The following B3GALT1 variants were observed in gnomAD, a reference collection of about 807,000 sequenced individuals.
B3GALT1 encodes beta-1,3-galactosyltransferase 1.
Under a neutral mutation model 23.2 loss-of-function variants are expected in B3GALT1, and 10 were observed. That is an observed-to-expected ratio of 0.43 (90% confidence interval 0.27 to 0.73). The LOEUF is 0.73. Among genes scored for constraint, B3GALT1 ranks in the 30% least tolerant of loss-of-function variants. The pLI is 0.21. For missense variants in B3GALT1, 299 were observed against 405.4 expected (o/e 0.74, Z 2.25); for synonymous variants, 156 against 141.5 (o/e 1.10, Z -0.73).
intron 3 of B3GALT1, among the ~76,000 whole-genome samples, chr2:167,733,087 C>G (rs903305877): frequency 1.1e-4 from 17 of 152,128 alleles, no homozygotes; most frequent in Non-Finnish European, 5.9e-5. Flanking sequence ...ATCTGTGACC[C>G]CTGTGAGGGC....
chr2:167,870,780 T>G lies in B3GALT1; in HGVS notation c.*760T>G, dbSNP rs1046664582. On this transcript the variant is annotated 3_prime_UTR_variant, in exon 5 of 5. Coordinates refer to ENST00000392690, the MANE Select transcript of B3GALT1 (RefSeq NM_020981.4). ...ATTAAATGGTGCCTCCAAGGAAACTTTGCCAAATATAATCTCACCTGCTTC... is the reference window on the plus strand; with the variant it reads ...ATTAAATGGTGCCTCCAAGGAAACTGTGCCAAATATAATCTCACCTGCTTC... The G allele has an allele frequency of 5.4e-5, 9 of 166,994 alleles. No homozygotes were observed. The highest frequency in any genetic ancestry group is 1.9e-4 in the African/African-American group (8 of 41,426). 10.3% of individuals were successfully genotyped at this position (166,994 alleles called of 1,614,324 possible). A position where few individuals can be genotyped will look rare whatever the true frequency, so the allele number is the denominator to read the frequency against.
intron 3 of B3GALT1, among the ~76,000 whole-genome samples, chr2:167,806,632 A>T (rs1688761103): frequency 6.6e-6 from 1 of 152,140 alleles, no homozygotes; most frequent in Non-Finnish European, 1.5e-5. Flanking sequence ...TGATTTGCAT[A>T]TGTTGAACCA....
chr2:167,434,523 T>TAAA (rs35876291), intron 1 of B3GALT1, among the ~76,000 whole-genome samples: 2 of 134,222 alleles, frequency 1.5e-5, no homozygotes, highest in Non-Finnish European at 1.6e-5. Flanking sequence ...AAGTACTCTG[T>TAAA]AAAAAAAAAA....
chr2:167,856,277 A>G lies in B3GALT1; in HGVS notation c.-229-12534A>G, dbSNP rs190374309. Among the ~76,000 whole-genome samples, 8 of 152,308 alleles carry G rather than the reference A, an allele frequency of 5.3e-5. No homozygotes were observed. The East Asian group carries it at 1.5e-3, about 29-fold the overall frequency. Reference sequence around the variant, plus strand: ...ATGAAAAACAAGAGCAAAAAGCAGAAGGAAGGCAAACTTCTCCTTCCTTTG... The same window carrying G: ...ATGAAAAACAAGAGCAAAAAGCAGAGGGAAGGCAAACTTCTCCTTCCTTTG... On this transcript the variant is annotated intron_variant, in intron 4 of 4. Transcript: ENST00000392690.
chr2:167,707,625 C>T (rs1465497009), intron 3 of B3GALT1, among the ~76,000 whole-genome samples: 1 of 152,142 alleles, frequency 6.6e-6, no homozygotes, highest in Non-Finnish European at 1.5e-5. Flanking sequence ...TTCTGCCTCT[C>T]ACTTCCACTT....
chr2:167,643,633 T>C (rs758741397), intron 2 of B3GALT1, among the ~76,000 whole-genome samples: 1 of 152,074 alleles, frequency 6.6e-6, no homozygotes, highest in Non-Finnish European at 1.5e-5. Context: ...TCTTTTCCCA[T>C]AGTCATCATG....
At chr2:167,670,941 G>A (rs79774836) in intron 3 of B3GALT1, among the ~76,000 whole-genome samples, 2,526 of 152,164 alleles carry the variant, frequency 0.017, 67 homozygotes, top group African/African-American at 0.057. Flanking sequence ...GAGTTCCAGA[G>A]GAAGAGAGAG....
At chr2:167,824,298 G>A (rs1689168472) in intron 4 of B3GALT1, among the ~76,000 whole-genome samples, 1 of 152,210 alleles carries the variant, frequency 6.6e-6, no homozygotes, top group African/African-American at 2.4e-5. Context: ...ATCAGACTTA[G>A]TTTTTAGAAA....
At chr2:167,358,194 G>A (rs547433331) in intron 1 of B3GALT1, among the ~76,000 whole-genome samples, 45 of 152,292 alleles carry the variant, frequency 3.0e-4, no homozygotes, top group Non-Finnish European at 6.0e-4. Context: ...ATTAGAAAGA[G>A]CCAAAGGTCA....
chr2:167,636,033 G>A (rs1338604974), intron 2 of B3GALT1, among the ~76,000 whole-genome samples: 1 of 151,912 alleles, frequency 6.6e-6, no homozygotes, highest in Non-Finnish European at 1.5e-5. Context: ...CAGAAATAAT[G>A]CCACCCATCT....
intron 1 of B3GALT1, among the ~76,000 whole-genome samples, chr2:167,442,087 A>T (rs1358421504): frequency 2.8e-5 from 4 of 140,996 alleles, no homozygotes; most frequent in African/African-American, 1.1e-4. Flanking sequence ...TGTCCATGTG[A>T]TCTCATTGTT....
intron 1 of B3GALT1, among the ~76,000 whole-genome samples, chr2:167,354,018 G>A (rs115298366): frequency 6.6e-6 from 1 of 151,886 alleles, no homozygotes; most frequent in African/African-American, 2.4e-5. Context: ...TCCTTTTCTT[G>A]TTCTGTAAAG....
chr2:167,706,191 C>T (rs1415616099), intron 3 of B3GALT1, among the ~76,000 whole-genome samples: 2 of 152,162 alleles, frequency 1.3e-5, no homozygotes, highest in Non-Finnish European at 2.9e-5. Flanking sequence ...TATCATTCAA[C>T]CAAGCTTAGT....
chr2:167,353,444 A>G (rs1360082539), intron 1 of B3GALT1, among the ~76,000 whole-genome samples: 1 of 151,478 alleles, frequency 6.6e-6, no homozygotes, highest in Non-Finnish European at 1.5e-5. Context: ...TTTTTTTTTC[A>G]GTAATCACTT....
intron 3 of B3GALT1, among the ~76,000 whole-genome samples, chr2:167,672,041 G>A (rs1686338987): frequency 1.3e-5 from 2 of 152,056 alleles, no homozygotes; most frequent in East Asian, 3.9e-4. Context: ...ATAAATTCCT[G>A]GAAACACAGT....
chr2:167,610,234 A>G (rs1219139133), intron 2 of B3GALT1, among the ~76,000 whole-genome samples: 1 of 152,082 alleles, frequency 6.6e-6, no homozygotes, highest in African/African-American at 2.4e-5. Flanking sequence ...AACTACGTAA[A>G]TGTTGACATA....
chr2:167,428,456 C>G (rs1452165003), intron 1 of B3GALT1, among the ~76,000 whole-genome samples: 2 of 151,902 alleles, frequency 1.3e-5, no homozygotes, highest in East Asian at 3.9e-4. Flanking sequence ...GAGAGGATCA[C>G]TTGAGGTCAA....
intron 3 of B3GALT1, chr2:167,715,077 C>T: frequency 6.2e-7 from 1 of 1,612,650 alleles, no homozygotes; most frequent in African/African-American, 1.3e-5. Context: ...CTTTCTCCTT[C>T]TAAGGCTTTT....
At chr2:167,788,470 T>C (rs573739997) in intron 3 of B3GALT1, among the ~76,000 whole-genome samples, 1 of 152,148 alleles carries the variant, frequency 6.6e-6, no homozygotes, top group South Asian at 2.1e-4. Flanking sequence ...CAGTGACAGA[T>C]TGTCAGGCAT....
Sources: gnomAD v4.1 joint callset for allele counts (sites outside exome capture counted in the v4.1 genomes callset) on GRCh38, gnomAD v4.1.1 for gene constraint, MANE v1.5 for transcripts, NCBI Gene and HGNC (gene_info 2026-07-23, HGNC 2026-07-21) for gene names.